Variants in CYP19A1 observed in about 807,000 individuals in gnomAD.
CYP19A1 encodes aromatase.
CYP19A1 carries 32 observed loss-of-function variants against 44.4 expected under a neutral mutation model. The observed-to-expected ratio is 0.72, with a 90% confidence interval of 0.54 to 0.97. The LOEUF (loss-of-function observed/expected upper bound fraction) is 0.97, where lower values mean the gene tolerates loss of function less well. Among genes scored for constraint, CYP19A1 ranks in the 50% least tolerant of loss-of-function variants. The probability of loss-of-function intolerance (pLI) is 0.00; values close to 1 mark genes in which losing one functional copy is unlikely to be tolerated. For missense variants in CYP19A1, 598 were observed against 637.8 expected, an observed-to-expected ratio of 0.94 and a Z score of 0.67; for synonymous variants, 212 against 215.6, an observed-to-expected ratio of 0.98 and a Z score of 0.14.
chr15:51,248,967 T>A (rs1255378666), intron 1 of CYP19A1, among the ~76,000 whole-genome samples: 2 of 151,568 alleles, frequency 1.3e-5, no homozygotes, highest in African/African-American at 4.9e-5. Context: ...AGTCTTGCTC[T>A]GTCACCCAGG....
At chr15:51,215,043 TG>T (rs762690028) in intron 8 of CYP19A1, 26 bp downstream of exon 8, 2 of 1,597,050 alleles carry the variant, frequency 1.3e-6, no homozygotes, top group South Asian at 2.3e-5. Flanking sequence ...GTTTTTAAGA[TG>T]TATTATTTAT....
chr15:51,291,646 T>C (rs1158878239), intron 1 of CYP19A1, among the ~76,000 whole-genome samples: 1 of 152,154 alleles, frequency 6.6e-6, no homozygotes, highest in East Asian at 1.9e-4. Context: ...CTTGAACATG[T>C]TGAAATGTGG....
chr15:51,281,236 GACC>G (rs2140972228), intron 1 of CYP19A1, among the ~76,000 whole-genome samples: 2 of 152,328 alleles, frequency 1.3e-5, no homozygotes, highest in Admixed American at 1.3e-4. Flanking sequence ...CCAGTGTAGT[GACC>G]ACAACTCTAT....
At chr15:51,322,935 C>G (rs753272403) in intron 1 of CYP19A1, among the ~76,000 whole-genome samples, 2 of 151,920 alleles carry the variant, frequency 1.3e-5, no homozygotes, top group Non-Finnish European at 2.9e-5. Flanking sequence ...TGAACTGTCC[C>G]TAAAATGCTG....
At chr15:51,224,413 C>A (rs2032401916) in intron 4 of CYP19A1, among the ~76,000 whole-genome samples, 1 of 152,140 alleles carries the variant, frequency 6.6e-6, no homozygotes, top group African/African-American at 2.4e-5. Flanking sequence ...GCAATTATCC[C>A]CCTATTTCCT....
chr15:51,258,634 G>GA (rs1555394097), intron 1 of CYP19A1, among the ~76,000 whole-genome samples: 3 of 151,832 alleles, frequency 2.0e-5, no homozygotes, highest in Non-Finnish European at 4.4e-5. Flanking sequence ...TGGAGTCCAG[G>GA]CCCCTGCTCC....
chr15:51,282,687 C>T (rs1056917906), intron 1 of CYP19A1, among the ~76,000 whole-genome samples: 15 of 152,218 alleles, frequency 9.9e-5, no homozygotes, highest in African/African-American at 3.6e-4. Context: ...ATCACCCCAA[C>T]ATTCCTGGCT....
chr15:51,227,752 A>T (rs1369461783), intron 4 of CYP19A1, 27 bp downstream of exon 4: 1 of 1,067,364 alleles, frequency 9.4e-7, no homozygotes. Context: ...GACAAAAAAG[A>T]TTGTAGCTAA....
Position 51,209,385 on chromosome 15 carries a change from AC to A in CYP19A1, c.*1422del, listed in dbSNP as rs1280178449. On this transcript the variant is annotated 3_prime_UTR_variant, in exon 10 of 10. Transcript: ENST00000396402. ...AGTAGCTCCTGCTTTCAGGGAGATTACACTGTCATCTTATACTCAGCTTATT... is the reference window on the plus strand; with the variant it reads ...AGTAGCTCCTGCTTTCAGGGAGATTAACTGTCATCTTATACTCAGCTTATT... The A allele has an allele frequency of 3.3e-5, 5 of 152,240 alleles. No homozygotes were observed. Among genetic ancestry groups the A allele is most frequent in the African/African-American group, 1.2e-4 (5 of 41,460 alleles). 9.4% of individuals were successfully genotyped at this position (152,240 alleles called of 1,614,324 possible).
chr15:51,323,495 C>CTT (rs78648888), intron 1 of CYP19A1, among the ~76,000 whole-genome samples: 3 of 143,336 alleles, frequency 2.1e-5, no homozygotes, highest in African/African-American at 5.1e-5. Flanking sequence ...TGTGTCTCTA[C>CTT]TTTTTTTTTT....
At chr15:51,230,901 T>A (rs2032978300) in intron 3 of CYP19A1, among the ~76,000 whole-genome samples, 1 of 152,146 alleles carries the variant, frequency 6.6e-6, no homozygotes, top group African/African-American at 2.4e-5. Context: ...GCATTACAGG[T>A]GTGAGCCACT....
intron 1 of CYP19A1, among the ~76,000 whole-genome samples, chr15:51,302,042 T>C (rs1228038653): frequency 6.6e-6 from 1 of 152,192 alleles, no homozygotes; most frequent in East Asian, 1.9e-4. Flanking sequence ...TCTCCCCCTT[T>C]ATCACCCAGT....
At chr15:51,283,404 G>A (rs992346248) in intron 1 of CYP19A1, among the ~76,000 whole-genome samples, 1 of 152,176 alleles carries the variant, frequency 6.6e-6, no homozygotes, top group Non-Finnish European at 1.5e-5. Flanking sequence ...CAAAAAGCTA[G>A]AGCCGAGGGA....
intron 4 of CYP19A1, among the ~76,000 whole-genome samples, chr15:51,225,239 T>G (rs2032474419): frequency 6.6e-6 from 1 of 152,176 alleles, no homozygotes; most frequent in Non-Finnish European, 1.5e-5. Flanking sequence ...ATGAGAACGG[T>G]GGGGTGTTAA....
chr15:51,232,785 G>C (rs928041993), intron 3 of CYP19A1, among the ~76,000 whole-genome samples: 11 of 152,050 alleles, frequency 7.2e-5, no homozygotes, highest in African/African-American at 2.4e-4. Context: ...TAACTGGTCT[G>C]TCTGTCCCCA....
chr15:51,227,866 GC>G lies in CYP19A1; in HGVS notation c.363del (p.Leu122CysfsTer28). 1 of 1,550,736 alleles carries G rather than the reference GC, an allele frequency of 6.4e-7. No individual in the cohort carries two copies. The highest frequency in any genetic ancestry group is 8.9e-7 in the Non-Finnish European group (1 of 1,122,214). ...TTCTCATGCATACCGATGCACTGCAGCCCAAGTTTGCTGCCGAATCGAGAGC... is the reference window on the plus strand; with the variant it reads ...TTCTCATGCATACCGATGCACTGCAGCCAAGTTTGCTGCCGAATCGAGAGC... ...HYSSRFGSKL[G>X]LQCIGMHEKG... On this transcript the variant is annotated frameshift_variant, in exon 4 of 10. Coordinates refer to ENST00000396402, the MANE Select transcript of CYP19A1 (RefSeq NM_000103.4). LOFTEE classifies it high-confidence loss of function.
intron 8 of CYP19A1, 160 bp downstream of exon 8, chr15:51,214,910 C>T (rs963997831): frequency 1.7e-5 from 19 of 1,133,730 alleles, no homozygotes; most frequent in South Asian, 5.0e-5. Flanking sequence ...CTATCTTTTC[C>T]GTCTATCTGG....
At chr15:51,296,905 C>T (rs56265376) in intron 1 of CYP19A1, among the ~76,000 whole-genome samples, 167 of 152,206 alleles carry the variant, frequency 1.1e-3, no homozygotes, top group African/African-American at 3.9e-3. Context: ...TTTTTGAACA[C>T]CAAAGGGTAG....
chr15:51,251,655 C>T (rs931586527), intron 1 of CYP19A1, among the ~76,000 whole-genome samples: 1 of 152,184 alleles, frequency 6.6e-6, no homozygotes, highest in Non-Finnish European at 1.5e-5. Flanking sequence ...TTCACATATC[C>T]TCAGAGGGAT....
Sources: allele counts gnomAD v4.1 joint callset (sites outside exome capture counted in the v4.1 genomes callset), GRCh38; gene constraint gnomAD v4.1.1; transcripts MANE v1.5; gene names NCBI Gene and HGNC (gene_info 2026-07-23, HGNC 2026-07-21).